Variants in LYG2 observed in about 807,000 individuals in gnomAD.
LYG2 encodes lysozyme g2.
In LYG2, 25 loss-of-function variants were observed where a neutral mutation model predicts 22.4. That is an observed-to-expected ratio of 1.12 (90% CI 0.81 to 1.56). The LOEUF is 1.56. Among genes scored for constraint, LYG2 ranks in the 40% most tolerant of loss-of-function variants. The pLI is 0.00. For synonymous variants in LYG2, 88 were observed against 97.0 expected (o/e 0.91, Z 0.55); for missense variants, 266 against 269.5 (o/e 0.99, Z 0.09).
At chr2:99,248,620 T>C (rs2094020686) in intron 3 of LYG2, among the ~76,000 whole-genome samples, 1 of 148,838 alleles carries the variant, frequency 6.7e-6, no homozygotes, top group Non-Finnish European at 1.5e-5. Context: ...CATTAGGAGA[T>C]ATACCTAATG....
At position 99,244,044 on chromosome 2, in the gene LYG2, TTGCCTTAATTCTC is replaced by T. The variant is rs767670251; in HGVS notation, c.462_474del (p.Arg155SerfsTer34). The T allele has an allele frequency of 1.1e-5, 18 of 1,614,092 alleles. No individual in the cohort carries two copies. Among genetic ancestry groups the T allele is most frequent in the Middle Eastern group, 1.7e-4 (1 of 6,034 alleles). On this transcript the variant is annotated frameshift_variant, in exon 6 of 7. Coordinates refer to ENST00000333017, the MANE Select transcript of LYG2 (RefSeq NM_175735.4). LOFTEE classifies it high-confidence loss of function. ...CTCCACGTGGGGAATTTTTTCTGGA[TTGCCTTAATTCTC>T]TCTGTTAGAATCCCAGTAGCCTGTG...
rs74617660 is a variant in LYG2 at position 99,249,426 on chromosome 2, C to CA, written c.44-2607dup. Among the ~76,000 whole-genome samples the CA allele has an allele frequency of 4.1e-3, 380 of 92,460 alleles. 1 individual carries two copies. The highest frequency in any genetic ancestry group is 9.0e-3 in the African/African-American group (221 of 24,544). 60.7% of individuals were successfully genotyped at this position (92,460 alleles called of 152,430 possible). ...CAGAACAAGACCCTGTCTCAAATCT[C>CA]AAAAAAAAAAAAAAGGATTTTGTTA... On this transcript the variant is annotated intron_variant, in intron 3 of 6. Transcript: ENST00000333017.
At chr2:99,252,873 T>C (rs13009863) in intron 3 of LYG2, among the ~76,000 whole-genome samples, 55,652 of 151,560 alleles carry the variant, frequency 0.37, 11,099 homozygotes, top group East Asian at 0.68. Context: ...AGTGAAACCC[T>C]GTCTCTACTA....
intron 3 of LYG2, among the ~76,000 whole-genome samples, chr2:99,252,669 T>C (rs922177359): frequency 1.3e-5 from 2 of 152,158 alleles, no homozygotes; most frequent in Admixed American, 6.5e-5. Flanking sequence ...TCAGTATCCT[T>C]TCACTGGGAG....
chr2:99,257,197 T>A (rs552275445), upstream of LYG2, among the ~76,000 whole-genome samples: 7 of 152,358 alleles, frequency 4.6e-5, no homozygotes, highest in East Asian at 1.3e-3. Flanking sequence ...CCACTATCTG[T>A]CAAATGTTTG....
chr2:99,243,882 TC>T (rs1301714597), intron 6 of LYG2, 116 bp downstream of exon 6: 1 of 1,204,040 alleles, frequency 8.3e-7, no homozygotes. Flanking sequence ...TCTAGACAGC[TC>T]CTCCCAGGGC....
intron 3 of LYG2, among the ~76,000 whole-genome samples, chr2:99,252,262 C>T (rs1238426436): frequency 2.0e-5 from 2 of 99,040 alleles, no homozygotes; most frequent in Non-Finnish European, 2.1e-5. Context: ...ACTGTGTTAG[C>T]CAGGATGGTC....
At chr2:99,245,112 A>AAG in intron 5 of LYG2, 150 bp downstream of exon 5, 1 of 189,552 alleles carries the variant, frequency 5.3e-6, no homozygotes, top group Non-Finnish European at 9.3e-6. Context: ...ACTCCATCTC[A>AAG]AAAAAAAAAA....
chr2:99,258,414 G>C (rs1295041219), upstream of LYG2, among the ~76,000 whole-genome samples: 3 of 152,138 alleles, frequency 2.0e-5, no homozygotes, highest in African/African-American at 7.2e-5. Context: ...TCATTTGTTT[G>C]TTTATCCATG....
chr2:99,243,890 G>A (rs2094011020), intron 6 of LYG2, 109 bp downstream of exon 6: 1 of 1,303,468 alleles, frequency 7.7e-7, no homozygotes, highest in South Asian at 1.3e-5. Context: ...GCTCCTCCCA[G>A]GGCCACTGCT....
At chr2:99,243,399 C>G in intron 6 of LYG2, 1 of 1,546,732 alleles carries the variant, frequency 6.5e-7, no homozygotes, top group Non-Finnish European at 8.7e-7. Context: ...CCTGAAGTCC[C>G]GAAAATACTC....
intron 3 of LYG2, among the ~76,000 whole-genome samples, chr2:99,252,779 G>C (rs2094028985): frequency 6.6e-6 from 1 of 152,054 alleles, no homozygotes; most frequent in Non-Finnish European, 1.5e-5. Flanking sequence ...GGGCGTGGTG[G>C]CTCACACCTA....
rs763414761 is a variant in LYG2, at chr2:99,246,742, C to G, written c.122G>C (p.Gly41Ala). Residue 41 changes from glycine (G) to alanine (A), a missense_variant, in exon 4 of 7, where the codon GGG (glycine) becomes GCG (alanine). Transcript: ENST00000333017. ...AGAGGTCTTCATGGTCATGATGTCC[C>G]CATAGCAGCCGTGGTACAGGCGTGG... ...LHPRLYHGCY[G>A]DIMTMKTSGA... is the part of the protein sequence containing the mutation. 1 of 1,614,134 alleles carries G rather than the reference C, an allele frequency of 6.2e-7. No homozygotes were observed. The highest frequency in any genetic ancestry group is 1.1e-5 in the South Asian group (1 of 91,082).
In LYG2 at chr2:99,243,491, CAGATAGATAGATAGATAGAT is replaced by C. The variant is rs36096004; in HGVS notation, c.520+488_520+507del. 74 of 1,302,418 alleles carry C rather than the reference CAGATAGATAGATAGATAGAT, an allele frequency of 5.7e-5. 1 individual carries two copies. Among genetic ancestry groups the C allele is most frequent in the South Asian group, 4.3e-4 (32 of 74,512 alleles). 80.7% of individuals were successfully genotyped at this position (1,302,418 alleles called of 1,614,324 possible). A position where few individuals can be genotyped will look rare whatever the true frequency, so the allele number is the denominator to read the frequency against. ...AAAAAACCTATGAGAGGTAGGCAAA[CAGATAGATAGATAGATAGAT>C]AGATAGATAGATAGATAGATAGATA... On this transcript the variant is annotated intron_variant, in intron 6 of 6. Transcript: ENST00000333017.
At chr2:99,246,650 A>G in intron 4 of LYG2, 30 bp downstream of exon 4, 1 of 1,603,064 alleles carries the variant, frequency 6.2e-7, no homozygotes, top group Non-Finnish European at 8.5e-7. Context: ...GAAAGGGGGA[A>G]GCCAGTCATT....
At chr2:99,252,369 T>G (rs1452207236) in intron 3 of LYG2, among the ~76,000 whole-genome samples, 1 of 151,072 alleles carries the variant, frequency 6.6e-6, no homozygotes, top group African/African-American at 2.4e-5. Context: ...TTTTTACAGG[T>G]GAAATGTTTT....
intron 6 of LYG2, 56 bp downstream of exon 6, chr2:99,243,927 TCTCGGGTCACACTGGC>T: frequency 6.4e-7 from 1 of 1,572,106 alleles, no homozygotes; most frequent in Non-Finnish European, 8.7e-7. Flanking sequence ...TCCCAGGGAG[TCTCGGGTCACACTGGC>T]CTTCAGTGGT....
chr2:99,242,377 C>G lies in LYG2; in HGVS notation c.626G>C (p.Arg209Thr). ...ACAGAGCTTTGCCTAGAAGCTTTGT[C>G]TTTTATAGAACTTAGCTCGAGCAAT... ...DIIARAKFYK[R>T]QSF is the part of the protein sequence containing the mutation. Residue 209 changes from arginine (R) to threonine (T), a missense_variant, in exon 7 of 7, where the codon AGA (arginine) becomes ACA (threonine). Arg to Thr is a moderately conservative substitution (Grantham distance 71, BLOSUM62 -1). Transcript: ENST00000333017. 6.2e-7 allele frequency: 1 copy of G among 1,611,444 alleles called. No individual in the cohort carries two copies. Among genetic ancestry groups the G allele is most frequent in the Non-Finnish European group, 8.5e-7 (1 of 1,178,282 alleles).
intron 6 of LYG2, chr2:99,243,785 C>A (rs866003841): frequency 1.7e-6 from 1 of 593,360 alleles, no homozygotes. Context: ...GAATAAGAAC[C>A]CCAACATTCT....
Sources: gnomAD v4.1 joint callset for allele counts (sites outside exome capture counted in the v4.1 genomes callset) on GRCh38, gnomAD v4.1.1 for gene constraint, MANE v1.5 for transcripts, NCBI Gene and HGNC (gene_info 2026-07-23, HGNC 2026-07-21) for gene names.